The following MRTFB variants were observed in gnomAD, a reference collection of about 807,000 sequenced individuals.
The protein encoded by MRTFB is myocardin related transcription factor B.
In MRTFB, 29 loss-of-function variants were observed where a neutral mutation model predicts 104.2. The ratio of observed to expected loss-of-function variants is 0.28; its 90% CI spans 0.21 to 0.38. The LOEUF (loss-of-function observed/expected upper bound fraction) is 0.38. MRTFB is among the 10% of genes least tolerant of loss of function. The pLI is 1.00. For missense variants in MRTFB, 1,270 were observed against 1,341.6 expected (o/e 0.95, Z 0.83); for synonymous variants, 535 against 519.5 (o/e 1.03, Z -0.41).
intron 6 of MRTFB, among the ~76,000 whole-genome samples, chr16:14,214,290 A>T (rs1366183692): frequency 6.6e-6 from 1 of 152,104 alleles, no homozygotes; most frequent in East Asian, 1.9e-4. Flanking sequence ...TTCTCCAACG[A>T]ATTTATTAAG....
intron 1 of MRTFB, among the ~76,000 whole-genome samples, chr16:14,073,659 T>C (rs2033868758): frequency 6.6e-6 from 1 of 152,190 alleles, no homozygotes; most frequent in Non-Finnish European, 1.5e-5. Flanking sequence ...TTGAATCAAG[T>C]AGCAGATTGA....
chr16:14,220,729 C>T (rs1284246071), intron 8 of MRTFB, among the ~76,000 whole-genome samples: 2 of 152,236 alleles, frequency 1.3e-5, no homozygotes, highest in African/African-American at 2.4e-5. Flanking sequence ...AGTGCTGCTG[C>T]AGTACAGTTC....
chr16:14,228,027 T>C (rs1177980647), intron 8 of MRTFB, among the ~76,000 whole-genome samples: 1 of 150,804 alleles, frequency 6.6e-6, no homozygotes, highest in Non-Finnish European at 1.5e-5. Context: ...CCAATAAGCA[T>C]CTAACAAGAT....
At chr16:14,216,998 T>C in intron 6 of MRTFB, 128 bp from the exon 7 acceptor site, 1 of 908,742 alleles carries the variant, frequency 1.1e-6, no homozygotes, top group Non-Finnish European at 1.6e-6. Context: ...ATTTTCTCTT[T>C]CCATAAATAT....
At chr16:14,215,063 C>T (rs1351765287) in intron 6 of MRTFB, 1 of 152,190 alleles carries the variant, frequency 6.6e-6, no homozygotes, top group Non-Finnish European at 1.5e-5. Context: ...TGCCTGAAAA[C>T]ATCTTGACCT....
At chr16:14,110,566 G>A (rs1342767210) in intron 2 of MRTFB, among the ~76,000 whole-genome samples, 1 of 152,088 alleles carries the variant, frequency 6.6e-6, no homozygotes, top group Non-Finnish European at 1.5e-5. Context: ...AAAGTGCTGT[G>A]ATTCCAGGCT....
At chr16:14,251,564 G>A (rs1222515095) in intron 13 of MRTFB, among the ~76,000 whole-genome samples, 3 of 152,162 alleles carry the variant, frequency 2.0e-5, no homozygotes, top group South Asian at 2.1e-4. Flanking sequence ...TCGAAAATAG[G>A]GGTAAGCAAA....
At chr16:14,059,447 T>C in the MRTFB span, among the ~76,000 whole-genome samples, 5 of 152,092 alleles carry the variant, frequency 3.3e-5, no homozygotes, top group Non-Finnish European at 7.3e-5. Context: ...AGTATTCAGG[T>C]GGTCATGGCT....
At chr16:14,202,895 C>T (rs1417276816) in intron 3 of MRTFB, among the ~76,000 whole-genome samples, 1 of 152,186 alleles carries the variant, frequency 6.6e-6, no homozygotes, top group Non-Finnish European at 1.5e-5. Context: ...CTTTTCTAAA[C>T]TGTCTTGTTT....
In MRTFB at chr16:14,251,854, C is replaced by G; in HGVS notation, c.2404-8C>G. ...ACAAATTAATGGAGAAACATTTATT[C>G]ATTACAGGTTTTCACAAACTCAGCA... is the stretch of plus-strand genomic sequence containing the variant. On this transcript the variant is annotated splice_region_variant and splice_polypyrimidine_tract_variant and intron_variant, in intron 13 of 16. Coordinates refer to ENST00000571589, the MANE Select transcript of MRTFB (RefSeq NM_001308142.2). 6.2e-7 allele frequency: 1 copy of G among 1,612,940 alleles called. No individual in the cohort carries two copies. Among genetic ancestry groups the G allele is most frequent in the South Asian group, 1.1e-5 (1 of 90,990 alleles).
intron 10 of MRTFB, among the ~76,000 whole-genome samples, chr16:14,242,992 G>A (rs1365629597): frequency 2.0e-5 from 3 of 152,060 alleles, no homozygotes; most frequent in South Asian, 2.1e-4. Flanking sequence ...ACTTACCTGC[G>A]GTCCATAAAC....
At chr16:14,033,167 A>G in the MRTFB span, among the ~76,000 whole-genome samples, 1 of 152,142 alleles carries the variant, frequency 6.6e-6, no homozygotes, top group Non-Finnish European at 1.5e-5. Context: ...TCGGGAGCCA[A>G]GGTGGGAGCA....
At chr16:14,012,225 TTTTTTTTC>T in the MRTFB span, among the ~76,000 whole-genome samples, 4 of 141,858 alleles carry the variant, frequency 2.8e-5, no homozygotes, top group African/African-American at 1.2e-4. Context: ...TTTCTTTTTC[TTTTTTTTC>T]TTTTTTTTTT....
chr16:14,040,506 A>G, the MRTFB span, among the ~76,000 whole-genome samples: 592 of 146,494 alleles, frequency 4.0e-3, 4 homozygotes, highest in African/African-American at 0.013. Flanking sequence ...TCTGTTGCCC[A>G]GGCTGAAGTG....
At chr16:14,017,849 C>G in the MRTFB span, among the ~76,000 whole-genome samples, 1 of 148,384 alleles carries the variant, frequency 6.7e-6, no homozygotes, top group Non-Finnish European at 1.5e-5. Context: ...CTCTAAGTAG[C>G]TGGGACAATA....
At chr16:14,130,790 A>G (rs2037399758) in intron 2 of MRTFB, among the ~76,000 whole-genome samples, 1 of 145,858 alleles carries the variant, frequency 6.9e-6, no homozygotes, top group Admixed American at 6.7e-5. Context: ...CAGGAAACTT[A>G]TACAATCATG....
intron 2 of MRTFB, among the ~76,000 whole-genome samples, chr16:14,111,290 C>T (rs1407620411): frequency 6.6e-6 from 1 of 152,154 alleles, no homozygotes; most frequent in Non-Finnish European, 1.5e-5. Context: ...AGATGTTAAA[C>T]ATGCAGAGAT....
the MRTFB span, among the ~76,000 whole-genome samples, chr16:14,040,718 C>T: frequency 0.013 from 1,907 of 152,286 alleles, 45 homozygotes; most frequent in African/African-American, 0.044. Flanking sequence ...CCACCTTGGC[C>T]TCCCAAAGCG....
chr16:14,247,084 G>A lies in MRTFB; in HGVS notation c.1824G>A (p.Gly608=). The A allele has an allele frequency of 6.2e-7, 1 of 1,614,144 alleles. No individual in the cohort carries two copies. Among genetic ancestry groups the A allele is most frequent in the Non-Finnish European group, 8.5e-7 (1 of 1,180,036 alleles). The change falls in exon 12 of 17, where the codon GGG becomes GGA. Residue 608 remains glycine (G), a synonymous_variant. Transcript: ENST00000571589. ...LKMQLEVEKR[G]QQQRPLEAQP... ...TGCAACTTGAGGTTGAAAAACGAGGGCAGCAGCAGCGGCCCCTGGAAGCCC... is the reference window on the plus strand; with the variant it reads ...TGCAACTTGAGGTTGAAAAACGAGGACAGCAGCAGCGGCCCCTGGAAGCCC...
Sources: allele counts gnomAD v4.1 joint callset (sites outside exome capture counted in the v4.1 genomes callset), GRCh38; gene constraint gnomAD v4.1.1; transcripts MANE v1.5; gene names NCBI Gene and HGNC (gene_info 2026-07-23, HGNC 2026-07-21).